Variants in CD96 observed in about 807,000 individuals in gnomAD.
The protein encoded by CD96 is T-cell surface protein tactile.
CD96 carries 70 observed loss-of-function variants against 71.3 expected under a neutral mutation model. The observed-to-expected ratio is 0.98, with a 90% CI of 0.81 to 1.20. CD96 has a LOEUF of 1.20. Ranked by LOEUF, CD96 falls within the 50% of genes most tolerant of loss-of-function variation. The probability of loss-of-function intolerance (pLI) is 0.00; values close to 1 mark genes in which losing one functional copy is unlikely to be tolerated. For synonymous variants in CD96, 248 were observed against 233.0 expected (o/e 1.06, Z -0.59); for missense variants, 742 against 677.5 (o/e 1.10, Z -1.06).
intron 12 of CD96, among the ~76,000 whole-genome samples, chr3:111,643,209 T>G (rs1441675319): frequency 6.6e-6 from 1 of 151,268 alleles, no homozygotes; most frequent in Non-Finnish European, 1.5e-5. Context: ...ATACACCACA[T>G]AAACAGAATT....
At chr3:111,592,093 C>G (rs1358019047) in intron 5 of CD96, among the ~76,000 whole-genome samples, 4 of 152,172 alleles carry the variant, frequency 2.6e-5, no homozygotes, top group Admixed American at 6.5e-5. Context: ...ATCCCCATTC[C>G]CAACCCACAT....
chr3:111,633,682 C>T (rs1294084951), intron 10 of CD96: 1 of 152,466 alleles, frequency 6.6e-6, no homozygotes, highest in East Asian at 1.9e-4. Flanking sequence ...ATGAGGGCCA[C>T]ATTTGTGGAC....
At position 111,665,172 on chromosome 3, in the gene CD96, AGTGT is replaced by A. The variant is rs3082291; in HGVS notation, c.*53-336_*53-333del. On this transcript the variant is annotated intron_variant and NMD_transcript_variant, in intron 14 of 14. Coordinates refer to the CD96 transcript ENST00000494798. ...CAGATGAATCTAGGTAGATGGAATA[AGTGT>A]GTGTGTGTGTGTGTGTGTATGTGTG... Among the ~76,000 whole-genome samples the A allele has an allele frequency of 4.5e-3, 677 of 149,350 alleles. 1 individual carries two copies. Among genetic ancestry groups the A allele is most frequent in the African/African-American group, 8.9e-3 (364 of 40,930 alleles).
At chr3:111,565,818 T>A (rs1935681193) in intron 2 of CD96, among the ~76,000 whole-genome samples, 1 of 151,732 alleles carries the variant, frequency 6.6e-6, no homozygotes, top group Non-Finnish European at 1.5e-5. Context: ...ATATAACCAC[T>A]ATTTGGAAAT....
At chr3:111,593,833 A>G (rs1313570240) in intron 5 of CD96, 1 of 1,613,872 alleles carries the variant, frequency 6.2e-7, no homozygotes, top group African/African-American at 1.3e-5. Context: ...GGGGCCTTGG[A>G]TCCTGGCGCT....
At chr3:111,598,039 C>G in intron 5 of CD96, 81 bp from the exon 6 acceptor site, 1 of 758,146 alleles carries the variant, frequency 1.3e-6, no homozygotes, top group South Asian at 1.4e-5. Context: ...TTTTTGCCAA[C>G]TTATATGAAT....
At chr3:111,613,476 T>A (rs1477750383) in intron 8 of CD96, among the ~76,000 whole-genome samples, 1 of 152,238 alleles carries the variant, frequency 6.6e-6, no homozygotes, top group Non-Finnish European at 1.5e-5. Context: ...TCCTTTATGC[T>A]GGGCTGAAGG....
intron 3 of CD96, among the ~76,000 whole-genome samples, chr3:111,575,625 A>G (rs1936187769): frequency 6.6e-6 from 1 of 152,226 alleles, no homozygotes. Context: ...ATCTGAAACT[A>G]AGAAATTTAT....
At chr3:111,639,336 G>T (rs75396472) in intron 12 of CD96, among the ~76,000 whole-genome samples, 389 of 151,888 alleles carry the variant, frequency 2.6e-3, no homozygotes, top group African/African-American at 9.0e-3. Flanking sequence ...TAGGAGTTCG[G>T]TGAGGCCTGT....
rs1940121644 is a variant in CD96 at position 111,652,369 on chromosome 3, C to T, written c.*2563C>T. ...GACTTAATCATCAGTAATTTGTATA[C>T]AAAGCATTGTGGTTTTATTTTACTG... On this transcript the variant is annotated 3_prime_UTR_variant, in exon 14 of 14. Coordinates refer to ENST00000352690, the MANE Select transcript of CD96 (RefSeq NM_005816.5). 6.6e-6 allele frequency: 1 copy of T among 151,886 alleles called. No homozygotes were observed. The highest frequency in any genetic ancestry group is 1.5e-5 in the Non-Finnish European group (1 of 67,992). 9.4% of individuals were successfully genotyped at this position (151,886 alleles called of 1,614,324 possible).
At chr3:111,628,665 C>T (rs532399274) in intron 10 of CD96, among the ~76,000 whole-genome samples, 332 of 152,152 alleles carry the variant, frequency 2.2e-3, no homozygotes, top group Admixed American at 5.2e-3. Flanking sequence ...ACAGAGAACC[C>T]CAGTAAGATA....
At chr3:111,573,811 A>G (rs1229168380) in intron 3 of CD96, among the ~76,000 whole-genome samples, 1 of 145,506 alleles carries the variant, frequency 6.9e-6, no homozygotes, top group Non-Finnish European at 1.6e-5. Context: ...ACTATAGACA[A>G]TGTTTGTTAT....
chr3:111,661,855 C>A (rs762334053), intron 14 of CD96, among the ~76,000 whole-genome samples: 4 of 152,186 alleles, frequency 2.6e-5, no homozygotes, highest in Non-Finnish European at 5.9e-5. Context: ...ATTCTGGGGC[C>A]TGGAGAACAG....
intron 3 of CD96, among the ~76,000 whole-genome samples, chr3:111,572,172 C>T (rs569110444): frequency 1.3e-5 from 2 of 152,316 alleles, no homozygotes; most frequent in Non-Finnish European, 2.9e-5. Context: ...AGGACCACCC[C>T]GAACATGCTT....
At chr3:111,558,129 A>T (rs1170947210) in intron 2 of CD96, among the ~76,000 whole-genome samples, 2 of 136,076 alleles carry the variant, frequency 1.5e-5, no homozygotes, top group East Asian at 4.4e-4. Context: ...GGTTTTCTAG[A>T]TATACAATCA....
intron 11 of CD96, among the ~76,000 whole-genome samples, chr3:111,637,699 C>A (rs890962484): frequency 2.0e-5 from 3 of 152,088 alleles, no homozygotes; most frequent in Non-Finnish European, 4.4e-5. Context: ...CCTCACTTAT[C>A]CACGACCCCC....
At chr3:111,614,930 G>C (rs1260591605) in intron 8 of CD96, among the ~76,000 whole-genome samples, 1 of 152,142 alleles carries the variant, frequency 6.6e-6, no homozygotes, top group East Asian at 1.9e-4. Flanking sequence ...TGATGCACAG[G>C]ACCCTTCAAA....
intron 12 of CD96, among the ~76,000 whole-genome samples, chr3:111,642,923 CA>C (rs1205978518): frequency 2.2e-5 from 3 of 138,346 alleles, no homozygotes; most frequent in Non-Finnish European, 4.6e-5. Flanking sequence ...ATCCTATTGA[CA>C]CTATCCACAA....
At chr3:111,597,391 A>C (rs1189664847) in intron 5 of CD96, among the ~76,000 whole-genome samples, 1 of 152,230 alleles carries the variant, frequency 6.6e-6, no homozygotes, top group Non-Finnish European at 1.5e-5. Context: ...TGCTTTCATA[A>C]TATAGTTACT....
Sources: allele counts gnomAD v4.1 joint callset (sites outside exome capture counted in the v4.1 genomes callset), GRCh38; gene constraint gnomAD v4.1.1; transcripts MANE v1.5; gene names NCBI Gene and HGNC (gene_info 2026-07-23, HGNC 2026-07-21).